SNX4: variants seen among roughly 807,000 people sequenced by gnomAD.
SNX4 encodes sorting nexin 4.
SNX4 carries 49 observed loss-of-function variants against 70.8 expected under a neutral mutation model. The observed-to-expected ratio is 0.69, with a 90% CI of 0.55 to 0.88. The LOEUF (loss-of-function observed/expected upper bound fraction) is 0.88. Ranked by LOEUF, SNX4 falls within the 40% of genes least tolerant of loss-of-function variation. The pLI, the probability that SNX4 is intolerant of heterozygous loss-of-function variation, is 0.00. For synonymous variants in SNX4, 206 were observed against 183.8 expected, an observed-to-expected ratio of 1.12 and a Z score of -0.98; for missense variants, 528 against 544.8, an observed-to-expected ratio of 0.97 and a Z score of 0.31.
At chr3:125,499,040 T>C (rs1264247421) in intron 2 of SNX4, among the ~76,000 whole-genome samples, 2 of 152,026 alleles carry the variant, frequency 1.3e-5, no homozygotes, top group African/African-American at 2.4e-5. Flanking sequence ...TCTGAAAGAG[T>C]GGCGAAGAGG....
chr3:125,492,411 C>T (rs1393632188), intron 5 of SNX4, among the ~76,000 whole-genome samples: 2 of 151,892 alleles, frequency 1.3e-5, no homozygotes, highest in African/African-American at 4.8e-5. Context: ...TGGTTTATAA[C>T]TGTTGTCCTA....
intron 5 of SNX4, among the ~76,000 whole-genome samples, chr3:125,496,817 G>C (rs1227895612): frequency 6.6e-6 from 1 of 152,002 alleles, no homozygotes; most frequent in Non-Finnish European, 1.5e-5. Flanking sequence ...ATAAAACTTA[G>C]AACTATTTAA....
chr3:125,518,069 T>C (rs1220715189), intron 1 of SNX4, among the ~76,000 whole-genome samples: 1 of 152,214 alleles, frequency 6.6e-6, no homozygotes, highest in East Asian at 1.9e-4. Context: ...TAGAACTACA[T>C]ATACATAGTG....
chr3:125,482,368 A>C (rs1437311423), intron 6 of SNX4, among the ~76,000 whole-genome samples: 1 of 152,160 alleles, frequency 6.6e-6, no homozygotes, highest in Non-Finnish European at 1.5e-5. Context: ...ACCTGAGTGC[A>C]TCTGTATTTC....
intron 12 of SNX4, among the ~76,000 whole-genome samples, chr3:125,453,116 T>G (rs369285338): frequency 2.0e-5 from 3 of 152,240 alleles, no homozygotes; most frequent in Non-Finnish European, 4.4e-5. Flanking sequence ...GAAATACTTA[T>G]GTAACAATTA....
intron 12 of SNX4, among the ~76,000 whole-genome samples, chr3:125,453,031 T>C (rs1933617578): frequency 6.6e-6 from 1 of 152,204 alleles, no homozygotes; most frequent in African/African-American, 2.4e-5. Context: ...GTCTATTCAC[T>C]GACTGTCAGA....
chr3:125,496,291 C>G (rs920857376), intron 5 of SNX4, among the ~76,000 whole-genome samples: 3 of 152,110 alleles, frequency 2.0e-5, no homozygotes, highest in African/African-American at 7.2e-5. Context: ...AAGACTCTGT[C>G]TCAAAATCAT....
At chr3:125,457,503 A>G in intron 10 of SNX4, 138 bp from the exon 11 acceptor site, 1 of 578,676 alleles carries the variant, frequency 1.7e-6, no homozygotes, top group East Asian at 3.7e-5. Flanking sequence ...TTTAAAATGT[A>G]GTAGCCCAAC....
chr3:125,457,126 C>G, intron 11 of SNX4, 140 bp downstream of exon 11: 1 of 621,658 alleles, frequency 1.6e-6, no homozygotes, highest in Non-Finnish European at 2.9e-6. Context: ...CAAATTATTC[C>G]CCTGTAAAAG....
chr3:125,513,687 G>T (rs1490296803), intron 1 of SNX4, among the ~76,000 whole-genome samples: 1 of 152,078 alleles, frequency 6.6e-6, no homozygotes, highest in Non-Finnish European at 1.5e-5. Flanking sequence ...TGATGCTTCC[G>T]TGTTACTGAA....
chr3:125,463,043 CCTT>C (rs1933923862), intron 9 of SNX4, among the ~76,000 whole-genome samples: 1 of 152,190 alleles, frequency 6.6e-6, no homozygotes, highest in Non-Finnish European at 1.5e-5. Flanking sequence ...CAACAGGTAT[CCTT>C]CTTTCAAATT....
intron 3 of SNX4, 22 bp from the exon 4 acceptor site, chr3:125,498,005 T>G (rs1934837607): frequency 6.2e-7 from 1 of 1,613,912 alleles, no homozygotes; most frequent in African/African-American, 1.3e-5. Context: ...AAATAATCAT[T>G]AAGAATAGTC....
chr3:125,474,501 AG>A (rs748183704), intron 8 of SNX4, among the ~76,000 whole-genome samples: 3 of 152,120 alleles, frequency 2.0e-5, no homozygotes, highest in Admixed American at 6.6e-5. Context: ...ATTTTTGTAG[AG>A]ATGGGGTCTT....
At chr3:125,448,759 T>TCCA (rs1484976624) in intron 13 of SNX4, among the ~76,000 whole-genome samples, 5 of 137,804 alleles carry the variant, frequency 3.6e-5, no homozygotes, top group Non-Finnish European at 6.1e-5. Context: ...CACTGCAAGC[T>TCCA]CCACCTCCCG....
chr3:125,451,638 T>TAGG (rs1933576454), intron 12 of SNX4, among the ~76,000 whole-genome samples: 2 of 152,226 alleles, frequency 1.3e-5, no homozygotes, highest in Admixed American at 6.5e-5. Context: ...CTTTTTCTTT[T>TAGG]TTTTTTGAGA....
At chr3:125,449,018 T>C (rs938386219) in intron 13 of SNX4, 2 of 152,164 alleles carry the variant, frequency 1.3e-5, no homozygotes, top group African/African-American at 4.8e-5. Flanking sequence ...AAGATACATA[T>C]TCTCCAATAA....
chr3:125,505,974 G>C (rs937352894), intron 1 of SNX4, among the ~76,000 whole-genome samples: 1 of 152,066 alleles, frequency 6.6e-6, no homozygotes, highest in African/African-American at 2.4e-5. Context: ...GGATTTGTGA[G>C]GACAATTAGA....
chr3:125,462,951 C>T (rs1399238912), intron 9 of SNX4, among the ~76,000 whole-genome samples: 3 of 152,254 alleles, frequency 2.0e-5, no homozygotes, highest in Middle Eastern at 3.4e-3. Flanking sequence ...GAGTCGGCCT[C>T]GTGTGTTGGT....
At chr3:125,516,277 T>C (rs1935275886) in intron 1 of SNX4, among the ~76,000 whole-genome samples, 1 of 152,346 alleles carries the variant, frequency 6.6e-6, no homozygotes, top group East Asian at 1.9e-4. Flanking sequence ...TCCACTCCCT[T>C]GCTATTTCCT....
Sources: gnomAD v4.1 joint callset for allele counts (sites outside exome capture counted in the v4.1 genomes callset) on GRCh38, gnomAD v4.1.1 for gene constraint, MANE v1.5 for transcripts, NCBI Gene and HGNC (gene_info 2026-07-23, HGNC 2026-07-21) for gene names.